SIRT2: variants seen among roughly 807,000 people sequenced by gnomAD.
SIRT2 encodes the protein sirtuin 2.
A neutral mutation model predicts 57.4 loss-of-function variants in SIRT2; 40 were observed. The observed-to-expected ratio is 0.70, with a 90% confidence interval of 0.54 to 0.91. The LOEUF is 0.91. Ranked by LOEUF, SIRT2 falls within the 40% of genes least tolerant of loss-of-function variation. The pLI, the probability that SIRT2 is intolerant of heterozygous loss-of-function variation, is 0.00. For synonymous variants in SIRT2, 161 were observed against 195.7 expected (o/e 0.82, Z 1.48); for missense variants, 439 against 510.4 (o/e 0.86, Z 1.35).
At chr19:38,892,592 G>A (rs534353789) in intron 4 of SIRT2, among the ~76,000 whole-genome samples, 5 of 151,752 alleles carry the variant, frequency 3.3e-5, no homozygotes, top group South Asian at 4.2e-4. Context: ...TTTTTTTTTA[G>A]AGTCAGAGTC....
Position 38,879,633 on chromosome 19 carries a change from T to C in SIRT2, c.946A>G (p.Arg316Gly). 6.4e-7 allele frequency: 1 copy of C among 1,570,674 alleles called. No individual in the cohort carries two copies. Among genetic ancestry groups the C allele is most frequent in the Admixed American group, 1.9e-5 (1 of 53,668 alleles). ...GMDFDSKKAYRDVAWLGECDQ... is the reference protein window; with the variant it reads ...GMDFDSKKAYGDVAWLGECDQ... ...CCCCAACCCCCGGCGGGGCCTCACC[T>C]GTAGGCCTTCTTGGAGTCAAAGTCC... The change falls in exon 14 of 16, where the codon AGG becomes GGG. Residue 316 changes from arginine (R) to glycine (G), a missense_variant and splice_region_variant. Physicochemically the swap from Arg to Gly is moderately radical, Grantham distance 125. Transcript: ENST00000249396.
intron 8 of SIRT2, 116 bp downstream of exon 8, chr19:38,888,971 C>A: frequency 2.3e-6 from 2 of 882,562 alleles, no homozygotes; most frequent in Non-Finnish European, 3.7e-6. Context: ...AGCCCTGGCC[C>A]CGCATTGCTG....
At chr19:38,881,565 C>CA in intron 9 of SIRT2, 74 bp from the exon 10 acceptor site, 2 of 1,199,924 alleles carry the variant, frequency 1.7e-6, no homozygotes, top group East Asian at 2.4e-5. Context: ...GCAGCACCCC[C>CA]ACCCCTCTTC....
chr19:38,894,714 C>G (rs1337519458), intron 2 of SIRT2: 3 of 443,398 alleles, frequency 6.8e-6, no homozygotes, highest in Non-Finnish European at 1.4e-5. Flanking sequence ...CTCTGCCCAC[C>G]TCTCCAGCAA....
Position 38,896,070 on chromosome 19 carries a change from CA to C in SIRT2, c.64-2204del, listed in dbSNP as rs199750379. On this transcript the variant is annotated intron_variant, in intron 2 of 15. Transcript: ENST00000249396. ...TGGGTGACAGAGCGAGACTCCGTCT[CA>C]AAAAAAAAGAGAGAGAGAAAGAGAG... 4.6e-3 allele frequency among the ~76,000 whole-genome samples: 681 copies of C among 148,128 alleles called. 7 individuals are homozygous for C. The highest frequency in any genetic ancestry group is 0.016 in the African/African-American group (643 of 40,088).
Position 38,880,538 on chromosome 19 carries a change from A to C in SIRT2, c.876+147T>G. On this transcript the variant is annotated intron_variant, in intron 13 of 15. Transcript: ENST00000249396. The surrounding 1 kb of genome is among the most constrained non-coding windows in gnomAD (Gnocchi z 4.1). ...GGCAGTGAATGTCCCAGAGGCCTGG[A>C]ACCCGACCCCTCTGGATTCTAGAGC... The C allele has an allele frequency of 1.6e-6, 1 of 622,502 alleles. No homozygotes were observed. Among genetic ancestry groups the C allele is most frequent in the Non-Finnish European group, 2.8e-6 (1 of 351,678 alleles). The allele number at this position is 622,502 out of a possible 1,614,324, so 38.6% of individuals were successfully genotyped here.
chr19:38,895,623 T>A (rs28620712), intron 2 of SIRT2, among the ~76,000 whole-genome samples: 4 of 152,188 alleles, frequency 2.6e-5, no homozygotes, highest in Non-Finnish European at 2.9e-5. Flanking sequence ...TACGACAATT[T>A]AAAAAATTGC....
rs12977178 is a variant in SIRT2 at position 38,884,129 on chromosome 19, A to G, written c.502-373T>C. 5.7e-3 allele frequency among the ~76,000 whole-genome samples: 774 copies of G among 135,432 alleles called. 15 individuals are homozygous for G. Among genetic ancestry groups the G allele is most frequent in the Middle Eastern group, 0.016 (4 of 258 alleles). 88.8% of individuals were successfully genotyped at this position (135,432 alleles called of 152,430 possible). The stretch of plus-strand genomic sequence containing the variant: ...AAATTAAAAAAAAAAAAAAAAAAAA[A>G]GGGGCCCAAACCTAAATATCTATGA... On this transcript the variant is annotated intron_variant, in intron 8 of 15. Coordinates refer to ENST00000249396, the MANE Select transcript of SIRT2 (RefSeq NM_012237.4).
chr19:38,894,238 A>G, intron 2 of SIRT2: 1 of 260,048 alleles, frequency 3.8e-6, no homozygotes, highest in Non-Finnish European at 7.4e-6. Context: ...CTGGGACCAC[A>G]GGCACGTGCC....
intron 3 of SIRT2, 63 bp downstream of exon 3, chr19:38,893,756 C>G (rs1418910643): frequency 1.1e-5 from 18 of 1,589,564 alleles, no homozygotes; most frequent in Non-Finnish European, 1.5e-5. Context: ...CACCCACACC[C>G]CTGCCCTGAA....
chr19:38,889,707 G>T lies in SIRT2; in HGVS notation c.414C>A (p.Leu138=), dbSNP rs765920385. 6.2e-7 allele frequency: 1 copy of T among 1,614,162 alleles called. No individual in the cohort carries two copies. The highest frequency in any genetic ancestry group is 1.1e-5 in the South Asian group (1 of 91,084). ...ATCTCACCTTGAACTGCCCAGGATA[G>T]AGTTCCTTGGCGAGGGCGAAGAAGG... ...PEPFFALAKE[L]YPGQFKPTIC... The change falls in exon 7 of 16, where the codon CTC becomes CTA. Residue 138 remains leucine, a synonymous_variant. Transcript: ENST00000249396.
intron 1 of SIRT2, among the ~76,000 whole-genome samples, chr19:38,899,220 G>T (rs1472940491): frequency 6.6e-6 from 1 of 152,072 alleles, no homozygotes; most frequent in Non-Finnish European, 1.5e-5. Flanking sequence ...CGGGACCGGG[G>T]CAACTTATGT....
rs140902316 is a variant in SIRT2 at position 38,879,258 on chromosome 19, G to A, written c.1067C>T (p.Ser356Leu). 118 of 1,605,404 alleles carry A rather than the reference G, an allele frequency of 7.4e-5. No homozygotes were observed. The Middle Eastern group carries it at 1.0e-3, about 14-fold the overall frequency. The change falls in exon 16 of 16, where the codon TCG becomes TTG. Residue 356 changes from serine (S) to leucine (L), a missense_variant. Coordinates refer to ENST00000249396, the MANE Select transcript of SIRT2 (RefSeq NM_012237.4). The part of the protein sequence containing the change: ...RREHASIDAQ[S>L]GAGVPNPSTS... The stretch of plus-strand genomic sequence containing the variant: ...GCTGGGGTTGGGGACCCCCGCCCCC[G>A]ACTGGGCATCTATGCTGGCGTGCTC...
At position 38,881,412 on chromosome 19, in the gene SIRT2, G is replaced by T; in HGVS notation, c.691+20C>A. ...CCCCCACCCAAATCCACCTGGGCAG[G>T]TCCCTGGCCAGAGGCTCACCAGGCT... On this transcript the variant is annotated intron_variant, in intron 10 of 15. Coordinates refer to ENST00000249396, the MANE Select transcript of SIRT2 (RefSeq NM_012237.4). 6.2e-7 allele frequency: 1 copy of T among 1,613,434 alleles called. No individual in the cohort carries two copies. Among genetic ancestry groups the T allele is most frequent in the South Asian group, 1.1e-5 (1 of 91,048 alleles).
Position 38,879,209 on chromosome 19 carries a change from G to A in SIRT2, c.1116C>T (p.Ser372=). 6.3e-7 allele frequency: 1 copy of A among 1,590,656 alleles called. No homozygotes were observed. The highest frequency in any genetic ancestry group is 8.5e-7 in the Non-Finnish European group (1 of 1,173,864). The change falls in exon 16 of 16, where the codon TCC becomes TCT. Residue 372 remains serine (S), a synonymous_variant. Coordinates refer to ENST00000249396, the MANE Select transcript of SIRT2 (RefSeq NM_012237.4). ...TGGCCTCGTCCTTGGCAGGTGGCGG[G>A]GACTTCTTGGGGGAAGCTGAAGTGC... ...NPSTSASPKK[S]PPPAKDEART...
At chr19:38,886,358 A>C (rs914365052) in intron 8 of SIRT2, among the ~76,000 whole-genome samples, 1 of 152,154 alleles carries the variant, frequency 6.6e-6, no homozygotes, top group Non-Finnish European at 1.5e-5. Flanking sequence ...GTGAGTGAGC[A>C]ATTTGCAAAT....
In SIRT2 at chr19:38,879,198, G is replaced by C; in HGVS notation, c.1127C>G (p.Ala376Gly). ...CTCTGTTGTCCTGGCCTCGTCCTTG[G>C]CAGGTGGCGGGGACTTCTTGGGGGA... is the stretch of plus-strand genomic sequence containing the variant. ...SASPKKSPPP[A>G]KDEARTTERE... is the part of the protein sequence containing the mutation. Residue 376 changes from alanine (A) to glycine (G), a missense_variant, in exon 16 of 16, where the codon GCC becomes GGC. Transcript: ENST00000249396. The C allele has an allele frequency of 6.3e-7, 1 of 1,587,874 alleles. No homozygotes were observed. The highest frequency in any genetic ancestry group is 1.1e-5 in the South Asian group (1 of 87,320).
intron 8 of SIRT2, among the ~76,000 whole-genome samples, chr19:38,886,082 C>T (rs531079130): frequency 5.3e-4 from 81 of 152,300 alleles, no homozygotes; most frequent in African/African-American, 1.8e-3. Flanking sequence ...AGAGATGGCT[C>T]GCATGTGTGG....
In SIRT2 at chr19:38,879,446, G is replaced by A. The variant is rs1468504208; in HGVS notation, c.1002C>T (p.Leu334=). 2 of 1,596,308 alleles carry A rather than the reference G, an allele frequency of 1.3e-6. No individual in the cohort carries two copies. The highest frequency in any genetic ancestry group is 1.3e-5 in the African/African-American group (1 of 74,692). Residue 334 remains leucine (L), a synonymous_variant, in exon 15 of 16, where the codon CTC becomes CTT. Transcript: ENST00000249396. ...CDQGCLALAE[L]LGWKKELEDL... ...CTCAGCTCCTCACCTTCCATCCAAGGAGCTCAGCAAGGGCCAGGCAGCCCT... is the reference window on the plus strand; with the variant it reads ...CTCAGCTCCTCACCTTCCATCCAAGAAGCTCAGCAAGGGCCAGGCAGCCCT...
Sources: gnomAD v4.1 joint callset for allele counts (sites outside exome capture counted in the v4.1 genomes callset) on GRCh38, gnomAD v4.1.1 for gene constraint, Gnocchi (gnomAD v3.1) non-coding constraint, MANE v1.5 for transcripts, NCBI Gene and HGNC (gene_info 2026-07-23, HGNC 2026-07-21) for gene names.